Variants in SKIC3 observed in about 807,000 individuals in gnomAD.
SKIC3 encodes SKI3 subunit of superkiller complex, also known as superkiller complex protein 3.
the SKIC3 span, chr5:95,543,229 A>G: frequency 6.2e-7 from 1 of 1,613,992 alleles, no homozygotes. Context: ...CAGCTTTTTT[A>G]TAGGCACTCT....
chr5:95,500,042 GTTTTA>G, the SKIC3 span, among the ~76,000 whole-genome samples: 4 of 151,806 alleles, frequency 2.6e-5, no homozygotes, highest in African/African-American at 9.7e-5. Context: ...AACTTAAGTA[GTTTTA>G]TTTTATGGGC....
the SKIC3 span, among the ~76,000 whole-genome samples, chr5:95,466,189 T>C: frequency 6.6e-6 from 1 of 152,208 alleles, no homozygotes; most frequent in Non-Finnish European, 1.5e-5. Context: ...CTCTACATTA[T>C]TCAAAATAAT....
chr5:95,523,812 A>G, the SKIC3 span: 8 of 1,613,344 alleles, frequency 5.0e-6, no homozygotes, highest in African/African-American at 1.3e-5. Context: ...AACTTTGCCC[A>G]TATATGTATC....
At chr5:95,492,678 A>C in the SKIC3 span, among the ~76,000 whole-genome samples, 4 of 142,474 alleles carry the variant, frequency 2.8e-5, no homozygotes, top group Admixed American at 1.4e-4. Flanking sequence ...AAAAAAAAAA[A>C]AAAAAAAAAA....
the SKIC3 span, among the ~76,000 whole-genome samples, chr5:95,518,285 TCAAA>T: frequency 6.6e-6 from 1 of 152,112 alleles, no homozygotes; most frequent in Non-Finnish European, 1.5e-5. Context: ...ATTAATCATC[TCAAA>T]CATTTATAAT....
At chr5:95,538,324 C>CA in the SKIC3 span, among the ~76,000 whole-genome samples, 2 of 152,088 alleles carry the variant, frequency 1.3e-5, no homozygotes, top group African/African-American at 4.8e-5. Context: ...ATTTTTTCCA[C>CA]AATTGAATCT....
the SKIC3 span, chr5:95,491,175 TA>T: frequency 1.6e-6 from 2 of 1,252,784 alleles, no homozygotes; most frequent in South Asian, 2.8e-5. Context: ...AAAGGAAAAT[TA>T]AATTGCACTT....
the SKIC3 span, among the ~76,000 whole-genome samples, chr5:95,504,309 C>G: frequency 6.7e-6 from 1 of 149,776 alleles, no homozygotes; most frequent in Non-Finnish European, 1.5e-5. Context: ...GCACTCCAGC[C>G]TGGGCAAGAC....
the SKIC3 span, among the ~76,000 whole-genome samples, chr5:95,501,625 C>T: frequency 1.3e-5 from 2 of 151,824 alleles, no homozygotes; most frequent in African/African-American, 2.4e-5. Context: ...AAAACCTAGG[C>T]TTGGATCCAA....
the SKIC3 span, among the ~76,000 whole-genome samples, chr5:95,518,732 C>T: frequency 1.4e-3 from 207 of 152,092 alleles, no homozygotes; most frequent in African/African-American, 4.9e-3. Context: ...TAGGTTGATT[C>T]CATATCTCGA....
At chr5:95,552,853 C>G in the SKIC3 span, among the ~76,000 whole-genome samples, 1 of 151,360 alleles carries the variant, frequency 6.6e-6, no homozygotes, top group African/African-American at 2.4e-5. Context: ...AAACTGGGGA[C>G]TAGGAAAAAT....
At chr5:95,498,225 T>C in the SKIC3 span, 2 of 755,496 alleles carry the variant, frequency 2.6e-6, no homozygotes, top group Non-Finnish European at 4.4e-6. Context: ...GTCAGTTACC[T>C]GGTCCTGTGT....
At chr5:95,528,020 A>G in the SKIC3 span, 1 of 1,613,490 alleles carries the variant, frequency 6.2e-7, no homozygotes, top group Non-Finnish European at 8.5e-7. Context: ...TACCTGATCA[A>G]GCGTACGAAT....
chr5:95,492,707 A>G, the SKIC3 span, among the ~76,000 whole-genome samples: 2 of 132,554 alleles, frequency 1.5e-5, no homozygotes, highest in South Asian at 2.5e-4. Context: ...ACTAAACTAG[A>G]TAACAGCTGA....
At chr5:95,478,593 A>G in the SKIC3 span, 1 of 1,038,674 alleles carries the variant, frequency 9.6e-7, no homozygotes, top group Non-Finnish European at 1.4e-6. Flanking sequence ...TTACAGGTCA[A>G]AAAAGGGCTG....
At chr5:95,524,485 C>T in the SKIC3 span, 1 of 1,613,318 alleles carries the variant, frequency 6.2e-7, no homozygotes, top group Non-Finnish European at 8.5e-7. Context: ...TGGGTAAGAG[C>T]CTTTGTTTTA....
At chr5:95,492,353 C>T in the SKIC3 span, among the ~76,000 whole-genome samples, 1 of 150,014 alleles carries the variant, frequency 6.7e-6, no homozygotes, top group African/African-American at 2.4e-5. Flanking sequence ...AACAAGACAA[C>T]TGGCCGGGCG....
the SKIC3 span, chr5:95,541,474 CAAT>C: frequency 4.3e-6 from 5 of 1,175,470 alleles, no homozygotes; most frequent in African/African-American, 7.6e-5. Flanking sequence ...TTAAGTATTC[CAAT>C]AATAATTTCA....
At chr5:95,536,777 C>T in the SKIC3 span, 1 of 1,500,758 alleles carries the variant, frequency 6.7e-7, no homozygotes, top group South Asian at 1.1e-5. Context: ...CACATAATCA[C>T]ACACCTCTAG....
Sources: allele counts gnomAD v4.1 joint callset (sites outside exome capture counted in the v4.1 genomes callset), GRCh38; gene constraint gnomAD v4.1.1; transcripts MANE v1.5; gene names NCBI Gene and HGNC (gene_info 2026-07-23, HGNC 2026-07-21).